PDLIM1: variants seen among roughly 807,000 people sequenced by gnomAD.
PDLIM1 encodes the protein PDZ and LIM domain protein 1.
Under a neutral mutation model 35.2 loss-of-function variants are expected in PDLIM1, and 25 were observed. That is an observed-to-expected ratio of 0.71 (90% CI 0.52 to 0.99). PDLIM1 has a LOEUF of 0.99. Among genes scored for constraint, PDLIM1 ranks in the 50% least tolerant of loss-of-function variants. The pLI, the probability that PDLIM1 is intolerant of heterozygous loss-of-function variation, is 0.00. For missense variants in PDLIM1, 363 were observed against 415.3 expected, an observed-to-expected ratio of 0.87 and a Z score of 1.09; for synonymous variants, 152 against 154.0, an observed-to-expected ratio of 0.99 and a Z score of 0.10.
intron 3 of PDLIM1, 49 bp from the exon 4 acceptor site, chr10:95,264,112 C>G (rs779313093): frequency 6.7e-7 from 1 of 1,502,178 alleles, no homozygotes; most frequent in Admixed American, 1.7e-5. Context: ...CCAATGCAAA[C>G]CCCTTGATGG....
chr10:95,246,328 G>A (rs896058415), intron 5 of PDLIM1, among the ~76,000 whole-genome samples: 4 of 152,174 alleles, frequency 2.6e-5, no homozygotes, highest in African/African-American at 7.2e-5. Flanking sequence ...ACAATTTCTC[G>A]ACGTATAGCA....
intron 4 of PDLIM1, among the ~76,000 whole-genome samples, chr10:95,256,988 AAG>A (rs1347308541): frequency 9.6e-6 from 1 of 104,146 alleles, no homozygotes; most frequent in East Asian, 2.4e-4. Context: ...AAAAAAAAAA[AAG>A]AAAGAAAGAA....
intron 2 of PDLIM1, 83 bp downstream of exon 2, chr10:95,271,550 A>G: frequency 8.2e-7 from 1 of 1,213,052 alleles, no homozygotes; most frequent in South Asian, 1.5e-5. Context: ...GGTCTGGGGG[A>G]TTCTGAGATA....
intron 4 of PDLIM1, among the ~76,000 whole-genome samples, chr10:95,252,860 G>GA (rs900658824): frequency 1.3e-5 from 2 of 150,874 alleles, no homozygotes; most frequent in African/African-American, 2.4e-5. Context: ...AGAATGGGGA[G>GA]AAAAAAAAGA....
Position 95,290,976 on chromosome 10 carries a change from T to G in PDLIM1, c.-61A>C. 1 of 1,024,158 alleles carries G rather than the reference T, an allele frequency of 9.8e-7. No individual in the cohort carries two copies. The highest frequency in any genetic ancestry group is 1.4e-6 in the Non-Finnish European group (1 of 715,966). 63.4% of individuals were successfully genotyped at this position (1,024,158 alleles called of 1,614,324 possible). A position where few individuals can be genotyped will look rare whatever the true frequency, so the allele number is the denominator to read the frequency against. On this transcript the variant is annotated 5_prime_UTR_variant, in exon 1 of 7. Transcript: ENST00000329399. This position sits in a 1 kb window ranked among gnomAD's most constrained non-coding sequence, Gnocchi z 4.7. ...GACGGGCAGGACGCGCGGAACAGCT[T>G]GCAGGGCACCCCCGGCGGCTGTCGG...
chr10:95,261,120 T>C (rs575880935), intron 4 of PDLIM1, among the ~76,000 whole-genome samples: 15 of 152,210 alleles, frequency 9.9e-5, no homozygotes, highest in Admixed American at 7.8e-4. Context: ...GGCCAGGGGC[T>C]AGAGGAAAGG....
At chr10:95,274,890 A>G (rs562913464) in intron 1 of PDLIM1, among the ~76,000 whole-genome samples, 12 of 152,308 alleles carry the variant, frequency 7.9e-5, no homozygotes, top group African/African-American at 2.9e-4. Flanking sequence ...ATTTTAGTGT[A>G]TAGTTTAAAT....
chr10:95,256,980 A>AG (rs748756563), intron 4 of PDLIM1, among the ~76,000 whole-genome samples: 1,577 of 135,612 alleles, frequency 0.012, 55 homozygotes, highest in South Asian at 0.016. Context: ...ATCTTAAAAA[A>AG]AAAAAAAAAG....
intron 2 of PDLIM1, 108 bp downstream of exon 2, chr10:95,271,525 G>T (rs557670418): frequency 3.6e-6 from 3 of 839,996 alleles, no homozygotes; most frequent in African/African-American, 3.5e-5. Context: ...GTATATACAT[G>T]GCACTGAGCT....
At chr10:95,274,965 A>G (rs1053840816) in intron 1 of PDLIM1, among the ~76,000 whole-genome samples, 2 of 152,194 alleles carry the variant, frequency 1.3e-5, no homozygotes, top group Non-Finnish European at 2.9e-5. Context: ...GGTTAGGAGG[A>G]TGAGAGGGGC....
intron 5 of PDLIM1, among the ~76,000 whole-genome samples, chr10:95,242,965 C>CT (rs45626534): frequency 0.094 from 14,298 of 151,516 alleles, 744 homozygotes; most frequent in Middle Eastern, 0.27. Flanking sequence ...ATGCAATGGG[C>CT]TTTTCACATT....
chr10:95,237,984 C>T lies in PDLIM1; in HGVS notation c.931G>A (p.Ala311Thr). 6.2e-7 allele frequency: 1 copy of T among 1,614,220 alleles called. No individual in the cohort carries two copies. Among genetic ancestry groups the T allele is most frequent in the African/African-American group, 1.3e-5 (1 of 75,066 alleles). The change falls in exon 7 of 7, where the codon GCC becomes ACC. Residue 311 changes from alanine to threonine, a missense_variant. Coordinates refer to ENST00000329399, the MANE Select transcript of PDLIM1 (RefSeq NM_020992.4). ...TCAGGTGGTGTGACTCGCTCCCGGGCATGCTTCTCACAGTAGATTTGATCC... is the reference window on the plus strand; with the variant it reads ...TCAGGTGGTGTGACTCGCTCCCGGGTATGCTTCTCACAGTAGATTTGATCC... ...VEDQIYCEKH[A>T]RERVTPPEGY...
chr10:95,275,084 T>A (rs74323319), intron 1 of PDLIM1, among the ~76,000 whole-genome samples: 2,013 of 152,300 alleles, frequency 0.013, 60 homozygotes, highest in African/African-American at 0.045. Context: ...ACCCCTATTG[T>A]AGAACCTAAG....
At chr10:95,265,211 TA>T (rs11353674) in intron 3 of PDLIM1, among the ~76,000 whole-genome samples, 35,029 of 148,592 alleles carry the variant, frequency 0.24, 5,050 homozygotes, top group East Asian at 0.83. Context: ...TATGCTTTCT[TA>T]AAAAAAAAAA....
intron 4 of PDLIM1, among the ~76,000 whole-genome samples, chr10:95,257,037 A>AGAAAGAAAGAAT (rs1192380541): frequency 1.4e-5 from 2 of 139,464 alleles, no homozygotes; most frequent in African/African-American, 2.5e-5. Context: ...AAAGAAAGAA[A>AGAAAGAAAGAAT]GAATTCAAAA....
intron 4 of PDLIM1, among the ~76,000 whole-genome samples, chr10:95,256,986 A>AAGAAAGAAAGAAAGAGAG (rs566598672): frequency 1.6e-5 from 1 of 61,658 alleles, no homozygotes; most frequent in African/African-American, 6.7e-5. Flanking sequence ...AAAAAAAAAA[A>AAGAAAGAAAGAAAGAGAG]AAAGAAAGAA....
At chr10:95,254,169 AAGAC>A (rs1241770601) in intron 4 of PDLIM1, among the ~76,000 whole-genome samples, 3 of 152,232 alleles carry the variant, frequency 2.0e-5, no homozygotes, top group Non-Finnish European at 2.9e-5. Context: ...AACCAACTGA[AAGAC>A]AGAAATGAAC....
intron 4 of PDLIM1, among the ~76,000 whole-genome samples, chr10:95,253,937 A>T (rs950063064): frequency 2.0e-4 from 30 of 152,228 alleles, no homozygotes; most frequent in African/African-American, 7.2e-4. Context: ...GTGATAAGTT[A>T]TATATACACA....
intron 5 of PDLIM1, among the ~76,000 whole-genome samples, chr10:95,244,315 G>A (rs1041939479): frequency 2.6e-5 from 4 of 152,128 alleles, no homozygotes; most frequent in African/African-American, 9.7e-5. Context: ...CTTCAGGGAG[G>A]GGCCTTACTC....
Sources: allele counts gnomAD v4.1 joint callset (sites outside exome capture counted in the v4.1 genomes callset), GRCh38; gene constraint gnomAD v4.1.1; non-coding constraint Gnocchi (gnomAD v3.1); transcripts MANE v1.5; gene names NCBI Gene and HGNC (gene_info 2026-07-23, HGNC 2026-07-21).